Variants in ALX4 observed in about 807,000 individuals in gnomAD.
ALX4 encodes the protein homeobox protein aristaless-like 4.
A neutral mutation model predicts 40.6 loss-of-function variants in ALX4; 22 were observed. The ratio of observed to expected loss-of-function variants is 0.54; its 90% CI spans 0.39 to 0.77. The LOEUF (loss-of-function observed/expected upper bound fraction) is 0.77. ALX4 is among the 30% of genes least tolerant of loss of function. The pLI is 0.00. For synonymous variants in ALX4, 266 were observed against 240.5 expected (o/e 1.11, Z -0.98); for missense variants, 556 against 564.8 (o/e 0.98, Z 0.16).
intron 2 of ALX4, among the ~76,000 whole-genome samples, chr11:44,273,768 A>G: frequency 6.6e-6 from 1 of 152,064 alleles, no homozygotes; most frequent in East Asian, 1.9e-4. Flanking sequence ...ATGGACAACA[A>G]AGCAAGACCC....
intron 1 of ALX4, among the ~76,000 whole-genome samples, chr11:44,295,185 C>T (rs1226935071): frequency 2.6e-5 from 4 of 152,142 alleles, no homozygotes; most frequent in Admixed American, 2.0e-4. Flanking sequence ...TTAAGCCTCA[C>T]CCTATCACTA....
At position 44,264,699 on chromosome 11, in the gene ALX4, G is replaced by C. The variant is rs544585965; in HGVS notation, c.*155C>G. On this transcript the variant is annotated 3_prime_UTR_variant, in exon 4 of 4. Coordinates refer to ENST00000652299, the MANE Select transcript of ALX4 (RefSeq NM_021926.4). The stretch of plus-strand genomic sequence containing the variant: ...TGCCCCCTCCCTCCCAGCAGTCCAC[G>C]GGGCCTCAGACTTGGGGCGGCTGAA... The C allele has an allele frequency of 2.5e-6, 2 of 816,156 alleles. No individual in the cohort carries two copies. Among genetic ancestry groups the C allele is most frequent in the Non-Finnish European group, 1.9e-6 (1 of 527,864 alleles). The allele number at this position is 816,156 out of a possible 1,614,324, so 50.6% of individuals were successfully genotyped here.
At chr11:44,293,128 GAAGGAAGGAAGGAAGGA>G (rs1956380006) in intron 1 of ALX4, among the ~76,000 whole-genome samples, 1 of 51,544 alleles carries the variant, frequency 1.9e-5, no homozygotes, top group Non-Finnish European at 4.5e-5. Context: ...AGGAAGGAAG[GAAGGAAGGAAGGAAGGA>G]AGGAAGGAAG....
At chr11:44,267,366 TG>T in intron 3 of ALX4, 127 bp downstream of exon 3, 2 of 1,278,522 alleles carry the variant, frequency 1.6e-6, no homozygotes, top group Non-Finnish European at 2.2e-6. Context: ...GGCACACCCC[TG>T]GAATGAGACG....
chr11:44,265,192 G>A lies in ALX4; in HGVS notation c.907-9C>T. 6.3e-7 allele frequency: 1 copy of A among 1,595,230 alleles called. No individual in the cohort carries two copies. The highest frequency in any genetic ancestry group is 8.6e-7 in the Non-Finnish European group (1 of 1,169,516). ...CAGGACGGGTTCTGAATCTGGGAGAGGAAGGGAGAGATGTCACCGGCTGGC... is the reference window on the plus strand; with the variant it reads ...CAGGACGGGTTCTGAATCTGGGAGAAGAAGGGAGAGATGTCACCGGCTGGC... On this transcript the variant is annotated splice_polypyrimidine_tract_variant and intron_variant, in intron 3 of 3. Coordinates refer to ENST00000652299, the MANE Select transcript of ALX4 (RefSeq NM_021926.4).
Position 44,309,959 on chromosome 11 carries a change from C to A in ALX4, c.104G>T (p.Arg35Met). The change falls in exon 1 of 4, where the codon AGG (arginine) becomes ATG (methionine). Residue 35 changes from arginine (R) to methionine (M), a missense_variant. Coordinates refer to ENST00000652299, the MANE Select transcript of ALX4 (RefSeq NM_021926.4). ...SQSREGSSPF[R>M]AFPGGDKFGT... Reference sequence around the variant, plus strand: ...GAACTTGTCGCCTCCGGGAAATGCCCTAAAAGGCGACGAGCCCTCCCGACT... The same window carrying A: ...GAACTTGTCGCCTCCGGGAAATGCCATAAAAGGCGACGAGCCCTCCCGACT... 6.3e-7 allele frequency: 1 copy of A among 1,593,118 alleles called. No homozygotes were observed. The highest frequency in any genetic ancestry group is 2.3e-5 in the East Asian group (1 of 43,790).
Position 44,265,119 on chromosome 11 carries a change from G to A in ALX4, c.971C>T (p.Pro324Leu). The change falls in exon 4 of 4, where the codon CCC becomes CTC. Residue 324 changes from proline (P) to leucine (L), a missense_variant. Pro to Leu is a moderately conservative substitution (Grantham distance 98, BLOSUM62 -3). Coordinates refer to ENST00000652299, the MANE Select transcript of ALX4 (RefSeq NM_021926.4). Reference sequence around the variant, plus strand: ...CATGCAGGCAGGCACCGGGTCGCAGGGGACCACGCAGGCTGGCACTGGTGA... The same window carrying A: ...CATGCAGGCAGGCACCGGGTCGCAGAGGACCACGCAGGCTGGCACTGGTGA... ...AASPVPACVV[P>L]CDPVPACMSP... 2 of 1,611,514 alleles carry A rather than the reference G, an allele frequency of 1.2e-6. No individual in the cohort carries two copies. The highest frequency in any genetic ancestry group is 8.5e-7 in the Non-Finnish European group (1 of 1,178,986).
At chr11:44,305,431 T>C (rs1180099116) in intron 1 of ALX4, among the ~76,000 whole-genome samples, 2 of 152,164 alleles carry the variant, frequency 1.3e-5, no homozygotes, top group African/African-American at 2.4e-5. Context: ...TAAACAACAG[T>C]CGCCCCTTCC....
chr11:44,289,555 C>A (rs935746397), intron 1 of ALX4, among the ~76,000 whole-genome samples: 4 of 152,158 alleles, frequency 2.6e-5, no homozygotes, highest in Non-Finnish European at 5.9e-5. Context: ...AAGTCCACTG[C>A]CTTTCAAGGT....
chr11:44,307,610 T>C (rs1956476690), intron 1 of ALX4, among the ~76,000 whole-genome samples: 1 of 152,230 alleles, frequency 6.6e-6, no homozygotes, highest in Non-Finnish European at 1.5e-5. Flanking sequence ...AGAGAGAGCA[T>C]GAGCTCTCTG....
At chr11:44,292,677 G>C in intron 1 of ALX4, among the ~76,000 whole-genome samples, 1 of 152,248 alleles carries the variant, frequency 6.6e-6, no homozygotes, top group Non-Finnish European at 1.5e-5. Flanking sequence ...GTTTTGGTTG[G>C]TGTTTTTGTA....
rs778531428 is a variant in ALX4 at position 44,309,988 on chromosome 11, C to T, written c.75G>A (p.Ser25=). ...AAGGCGACGAGCCCTCCCGACTCTG[C>T]GACACCGGGCTGTAGTAGGCGTCCA... ...AAMDAYYSPV[S]QSREGSSPFR... is the part of the protein sequence containing the mutation. The change falls in exon 1 of 4, where the codon TCG becomes TCA. Residue 25 remains serine (S), a synonymous_variant. Coordinates refer to ENST00000652299, the MANE Select transcript of ALX4 (RefSeq NM_021926.4). The T allele has an allele frequency of 6.2e-7, 1 of 1,600,768 alleles. No homozygotes were observed. Among genetic ancestry groups the T allele is most frequent in the Non-Finnish European group, 8.5e-7 (1 of 1,173,872 alleles).
rs1590707987 is a variant in ALX4, at chr11:44,309,755, G to T, written c.308C>A (p.Pro103Gln). 1 of 1,546,894 alleles carries T rather than the reference G, an allele frequency of 6.5e-7. No individual in the cohort carries two copies. Among genetic ancestry groups the T allele is most frequent in the Non-Finnish European group, 8.7e-7 (1 of 1,145,702 alleles). ...CTGCTGCTGCTGCGGCTGCGGCTGC[G>T]GCGGCGGCTGGGGCTGCGGGGTCGA... ...QPSTPQPQPP[P>Q]QPQPQQQQPQ... The change falls in exon 1 of 4, where the codon CCG (proline) becomes CAG (glutamine). Residue 103 changes from proline (P) to glutamine (Q), a missense_variant. By Grantham distance (76) the Pro-to-Gln change is moderately conservative (BLOSUM62 -1). Coordinates refer to ENST00000652299, the MANE Select transcript of ALX4 (RefSeq NM_021926.4).
chr11:44,280,251 C>T lies in ALX4; in HGVS notation c.467-4593G>A, dbSNP rs548845855. 1.8e-4 allele frequency among the ~76,000 whole-genome samples: 28 copies of T among 152,300 alleles called. No individual in the cohort carries two copies. The South Asian group carries it at 3.9e-3, about 21-fold the overall frequency. ...CAAGGGACAGAAGGAGAAGCAGAGA[C>T]GGGCTTCATAGGGGCGGCTCCAGAA... On this transcript the variant is annotated intron_variant, in intron 1 of 3. Coordinates refer to ENST00000652299, the MANE Select transcript of ALX4 (RefSeq NM_021926.4).
Position 44,260,654 on chromosome 11 carries a change from A to G in ALX4, c.*4200T>C, listed in dbSNP as rs1469820903. 1 of 152,206 alleles carries G rather than the reference A, an allele frequency of 6.6e-6. No homozygotes were observed. Among genetic ancestry groups the G allele is most frequent in the Non-Finnish European group, 1.5e-5 (1 of 68,032 alleles). 9.4% of individuals were successfully genotyped at this position (152,206 alleles called of 1,614,324 possible). ...TTAAAAGGCAAGAACGTTTCTTTTA[A>G]TATTTTGCTATAATGTAGTTACATG... On this transcript the variant is annotated 3_prime_UTR_variant, in exon 4 of 4. Transcript: ENST00000652299.
intron 2 of ALX4, among the ~76,000 whole-genome samples, chr11:44,273,322 G>A (rs1372912995): frequency 7.9e-5 from 12 of 152,128 alleles, no homozygotes; most frequent in South Asian, 2.1e-4. Flanking sequence ...TTGGAAAAGC[G>A]GACTGATTAT....
intron 2 of ALX4, among the ~76,000 whole-genome samples, chr11:44,274,132 C>T (rs1013296050): frequency 7.2e-5 from 11 of 151,942 alleles, no homozygotes; most frequent in Non-Finnish European, 1.6e-4. Flanking sequence ...AGAATGAGAC[C>T]CTGTCTCTAA....
intron 1 of ALX4, among the ~76,000 whole-genome samples, chr11:44,306,591 G>A (rs1388714174): frequency 6.6e-6 from 1 of 152,264 alleles, no homozygotes; most frequent in East Asian, 1.9e-4. Flanking sequence ...GCCTGAAGAC[G>A]GAGATCAGCC....
At chr11:44,303,488 A>T (rs1035311710) in intron 1 of ALX4, among the ~76,000 whole-genome samples, 3 of 152,018 alleles carry the variant, frequency 2.0e-5, no homozygotes, top group African/African-American at 7.2e-5. Context: ...GCGGAGCGCC[A>T]CGGTGACCCT....
Sources: gnomAD v4.1 joint callset for allele counts (sites outside exome capture counted in the v4.1 genomes callset) on GRCh38, gnomAD v4.1.1 for gene constraint, MANE v1.5 for transcripts, NCBI Gene and HGNC (gene_info 2026-07-23, HGNC 2026-07-21) for gene names.